DIP2A: variants seen among roughly 807,000 people sequenced by gnomAD.
DIP2A encodes the protein disco-interacting protein 2 homolog A.
In DIP2A, 85 loss-of-function variants were observed where a neutral mutation model predicts 177.4. That is an observed-to-expected ratio of 0.48 (90% CI 0.40 to 0.57). The LOEUF (loss-of-function observed/expected upper bound fraction) is 0.57, where lower values mean the gene tolerates loss of function less well. Ranked by LOEUF, DIP2A falls within the 20% of genes least tolerant of loss-of-function variation. The probability of loss-of-function intolerance (pLI) is 0.00; values close to 1 mark genes in which losing one functional copy is unlikely to be tolerated. For synonymous variants in DIP2A, 886 were observed against 881.8 expected (o/e 1.00, Z -0.08); for missense variants, 1,791 against 2,100.2 (o/e 0.85, Z 2.88).
At position 46,459,166 on chromosome 21, in the gene DIP2A, C is replaced by CGCT; in HGVS notation, c.38_40dup (p.Leu13dup). 6.6e-7 allele frequency: 1 copy of CGCT among 1,520,522 alleles called. No homozygotes were observed. The highest frequency in any genetic ancestry group is 8.8e-7 in the Non-Finnish European group (1 of 1,134,964). 94.2% of individuals were successfully genotyped at this position (1,520,522 alleles called of 1,614,324 possible). ...CGCGGGTGCCCGCTGGAGGCGGCGC[C>CGCT]GCTGCCTGCCGAGGTGCGGGAGAGC... On this transcript the variant is annotated inframe_insertion, in exon 1 of 38. Transcript: ENST00000417564.
chr21:46,529,145 A>T lies in DIP2A; in HGVS notation c.1156A>T (p.Thr386Ser), dbSNP rs1379641221. Residue 386 changes from threonine (T) to serine (S), a missense_variant, in exon 9 of 38, where the codon ACA becomes TCA. Coordinates refer to ENST00000417564, the MANE Select transcript of DIP2A (RefSeq NM_015151.4). The part of the protein sequence containing the change: ...KLAYTLLNKL[T>S]SKNEPLLKPG... ...AGCTTATACTCTACTTAATAAACTG[A>T]CAAGTAAGAATGAACCTCTACTTAA... is the stretch of plus-strand genomic sequence containing the variant. The T allele has an allele frequency of 5.2e-6, 8 of 1,535,664 alleles. No individual in the cohort carries two copies. The highest frequency in any genetic ancestry group is 7.0e-6 in the Non-Finnish European group (8 of 1,140,718).
At chr21:46,483,890 C>T (rs1479312062) in intron 1 of DIP2A, among the ~76,000 whole-genome samples, 2 of 152,200 alleles carry the variant, frequency 1.3e-5, no homozygotes, top group East Asian at 1.9e-4. Flanking sequence ...TAAATAAAGT[C>T]TTCACATCAC....
In DIP2A at chr21:46,534,677, G is replaced by A. The variant is rs201196773; in HGVS notation, c.1632G>A (p.Gly544=). 5 of 1,608,920 alleles carry A rather than the reference G, an allele frequency of 3.1e-6. No homozygotes were observed. The highest frequency in any genetic ancestry group is 4.2e-6 in the Non-Finnish European group (5 of 1,179,706). ...AQCRALTQAC[G]YSEAETLTNV... The stretch of plus-strand genomic sequence containing the variant: ...GCCGGGCTCTGACCCAGGCGTGCGG[G>A]TACTCAGAAGGTAAGGGCTCTCGGG... Residue 544 remains glycine, a synonymous_variant, in exon 13 of 38, where the codon GGG becomes GGA. Transcript: ENST00000417564.
Position 46,557,654 on chromosome 21 carries a change from G to A in DIP2A, c.3699G>A (p.Leu1233=), listed in dbSNP as rs1439215712. Reference sequence around the variant, plus strand: ...TGGAGAGCAACGTGTCCCTGTGGCTGTCGGCCGTCAGCCAGTACAAGGCCC... The same window carrying A: ...TGGAGAGCAACGTGTCCCTGTGGCTATCGGCCGTCAGCCAGTACAAGGCCC... ...LELESNVSLW[L]SAVSQYKARV... The change falls in exon 31 of 38, where the codon CTG becomes CTA. Residue 1233 remains leucine, a synonymous_variant. Transcript: ENST00000417564. The surrounding 1 kb of genome is among the most constrained non-coding windows in gnomAD (Gnocchi z 6.0). The A allele has an allele frequency of 1.2e-6, 2 of 1,612,380 alleles. No individual in the cohort carries two copies. The highest frequency in any genetic ancestry group is 2.7e-5 in the African/African-American group (2 of 74,920).
rs78865491 is a variant in DIP2A, at chr21:46,515,849, T to C, written c.1102+4235T>C. 6.6e-3 allele frequency among the ~76,000 whole-genome samples: 999 copies of C among 152,316 alleles called. 12 individuals carry two copies. Among genetic ancestry groups the C allele is most frequent in the African/African-American group, 0.023 (948 of 41,562 alleles). The stretch of plus-strand genomic sequence containing the variant: ...CCATGCCCGGCCCATTGTTTTTTGT[T>C]TGTTTGTTGTTTTAATCAACCATAC... On this transcript the variant is annotated intron_variant, in intron 8 of 37. Coordinates refer to ENST00000417564, the MANE Select transcript of DIP2A (RefSeq NM_015151.4).
chr21:46,563,546 G>C lies in DIP2A; in HGVS notation c.4090-312G>C, dbSNP rs2148916129. 2.9e-6 allele frequency: 1 copy of C among 343,030 alleles called. No homozygotes were observed. Among genetic ancestry groups the C allele is most frequent in the African/African-American group, 2.1e-5 (1 of 47,912 alleles). The allele number at this position is 343,030 out of a possible 1,614,324, so 21.2% of individuals were successfully genotyped here. ...CAGCAGGGTCACTGCACCCCTGGATGGATGCCCATCAGGTGCGCTGGCATC... is the reference window on the plus strand; with the variant it reads ...CAGCAGGGTCACTGCACCCCTGGATCGATGCCCATCAGGTGCGCTGGCATC... On this transcript the variant is annotated intron_variant, in intron 34 of 37. Transcript: ENST00000417564. This position sits in a 1 kb window ranked among gnomAD's most constrained non-coding sequence, Gnocchi z 4.3.
intron 7 of DIP2A, 47 bp downstream of exon 7, chr21:46,509,423 G>A: frequency 1.3e-6 from 2 of 1,567,280 alleles, no homozygotes; most frequent in East Asian, 4.5e-5. Flanking sequence ...TGAAAAGGGT[G>A]GCCACGAAGT....
At position 46,554,023 on chromosome 21, in the gene DIP2A, C is replaced by T. The variant is rs145885495; in HGVS notation, c.3031-146C>T. ...TACCAAAAAAAAGACACCAGCCGTACGTCTAGGACTGACACATTGTCATTA... is the reference window on the plus strand; with the variant it reads ...TACCAAAAAAAAGACACCAGCCGTATGTCTAGGACTGACACATTGTCATTA... On this transcript the variant is annotated intron_variant, in intron 25 of 37. Transcript: ENST00000417564. 2.1e-4 allele frequency: 231 copies of T among 1,111,398 alleles called. 1 individual carries two copies. The Middle Eastern group carries it at 2.5e-3, about 12-fold the overall frequency. 68.8% of individuals were successfully genotyped at this position (1,111,398 alleles called of 1,614,324 possible).
rs530871744 is a variant in DIP2A, at chr21:46,464,035, C to T, written c.91+4813C>T. Reference sequence around the variant, plus strand: ...TAATTCTTAATTTTCAAAATGACAGCCTGTCATTGCCTTTGTGTTAATAAA... The same window carrying T: ...TAATTCTTAATTTTCAAAATGACAGTCTGTCATTGCCTTTGTGTTAATAAA... On this transcript the variant is annotated intron_variant, in intron 1 of 37. Transcript: ENST00000417564. 5.3e-5 allele frequency among the ~76,000 whole-genome samples: 8 copies of T among 151,792 alleles called. No homozygotes were observed. The South Asian group carries it at 1.5e-3, about 28-fold the overall frequency.
At chr21:46,473,209 G>A (rs2055547474) in intron 1 of DIP2A, among the ~76,000 whole-genome samples, 1 of 152,092 alleles carries the variant, frequency 6.6e-6, no homozygotes, top group South Asian at 2.1e-4. Flanking sequence ...AGTGAATCTT[G>A]TAAACAGATG....
chr21:46,546,897 GCACACCCTTTCCCTCA>G lies in DIP2A; in HGVS notation c.2395-17_2395-2del. ...CTGCCCGTGTGGGTGGAGTCTTGAC[GCACACCCTTTCCCTCA>G]GGACAACCTGGTCTTCATCGTGGGC... is the stretch of plus-strand genomic sequence containing the variant. On this transcript the variant is annotated splice_acceptor_variant and splice_polypyrimidine_tract_variant and intron_variant, in intron 20 of 37. Transcript: ENST00000417564. LOFTEE classifies it high-confidence loss of function. 6.2e-7 allele frequency: 1 copy of G among 1,612,620 alleles called. No homozygotes were observed. Among genetic ancestry groups the G allele is most frequent in the Non-Finnish European group, 8.5e-7 (1 of 1,179,132 alleles).
rs1261658922 is a variant in DIP2A, at chr21:46,551,862, C to T, written c.2988C>T (p.His996=). 5.6e-6 allele frequency: 9 copies of T among 1,611,504 alleles called. No homozygotes were observed. The highest frequency in any genetic ancestry group is 1.3e-5 in the African/African-American group (1 of 74,906). ...FLADVLQWRA[H]TTPDHPLFLL... is the part of the protein sequence containing the mutation. The stretch of plus-strand genomic sequence containing the variant: ...CTGACGTGCTGCAGTGGCGTGCCCA[C>T]ACCACTCCTGACCACCCGCTGTTCT... The change falls in exon 25 of 38, where the codon CAC becomes CAT. Residue 996 remains histidine (H), a synonymous_variant. Coordinates refer to ENST00000417564, the MANE Select transcript of DIP2A (RefSeq NM_015151.4).
Position 46,537,567 on chromosome 21 carries a change from A to G in DIP2A, c.1801+28A>G. On this transcript the variant is annotated intron_variant, in intron 15 of 37. Transcript: ENST00000417564. This position sits in a 1 kb window ranked among gnomAD's most constrained non-coding sequence, Gnocchi z 4.1. ...AACGGATACCATGGTCAGGGCCTTCACCCTTCTTTAGGGAAATCTCTTTGA... is the reference window on the plus strand; with the variant it reads ...AACGGATACCATGGTCAGGGCCTTCGCCCTTCTTTAGGGAAATCTCTTTGA... 1 of 1,603,560 alleles carries G rather than the reference A, an allele frequency of 6.2e-7. No individual in the cohort carries two copies. The highest frequency in any genetic ancestry group is 1.3e-5 in the African/African-American group (1 of 74,666).
At chr21:46,514,735 G>A (rs1256478987) in intron 8 of DIP2A, among the ~76,000 whole-genome samples, 20 of 143,408 alleles carry the variant, frequency 1.4e-4, no homozygotes, top group Non-Finnish European at 2.4e-4. Context: ...TTCCATCTGA[G>A]GAAAAGCCTG....
intron 18 of DIP2A, among the ~76,000 whole-genome samples, chr21:46,543,489 C>G (rs182540514): frequency 1.1e-4 from 16 of 151,246 alleles, no homozygotes; most frequent in Admixed American, 2.6e-4. Flanking sequence ...CACCCCCCTC[C>G]CCCAGGTGTG....
Position 46,514,629 on chromosome 21 carries a change from T to TG in DIP2A, c.1102+3015_1102+3016insG, listed in dbSNP as rs1490478535. On this transcript the variant is annotated intron_variant, in intron 8 of 37. Coordinates refer to ENST00000417564, the MANE Select transcript of DIP2A (RefSeq NM_015151.4). ...TTAAACTTTTATTCTTTTTTTTTTT[T>TG]TTTTTTTTTTTGGTTTTTTTTTTTT... 7.6e-4 allele frequency among the ~76,000 whole-genome samples: 106 copies of TG among 140,150 alleles called. 3 individuals carry two copies. The highest frequency in any genetic ancestry group is 1.0e-3 in the Non-Finnish European group (68 of 64,778). The allele number at this position is 140,150 out of a possible 152,430, so 91.9% of individuals were successfully genotyped here.
chr21:46,476,641 A>G (rs1357522332), intron 1 of DIP2A, among the ~76,000 whole-genome samples: 4 of 149,752 alleles, frequency 2.7e-5, no homozygotes, highest in Non-Finnish European at 4.4e-5. Context: ...TTCTAGTCAT[A>G]GCATCACTCT....
At chr21:46,566,005 G>GT (rs766409077) in intron 36 of DIP2A, 118 bp downstream of exon 36, 62 of 1,194,154 alleles carry the variant, frequency 5.2e-5, no homozygotes, top group Admixed American at 6.8e-5. Context: ...ATTGCTCCTT[G>GT]TGGGGGGAAG....
chr21:46,557,095 C>T lies in DIP2A; in HGVS notation c.3629+26C>T, dbSNP rs757642130. On this transcript the variant is annotated intron_variant, in intron 30 of 37. Coordinates refer to ENST00000417564, the MANE Select transcript of DIP2A (RefSeq NM_015151.4). The surrounding 1 kb of genome is among the most constrained non-coding windows in gnomAD (Gnocchi z 6.0). ...GTGAGTGCAGGGCCCCTGCTGCCTG[C>T]CAGGTGGGAGCAGCTCGTGTGGCTC... 6.3e-7 allele frequency: 1 copy of T among 1,579,322 alleles called. No individual in the cohort carries two copies. Among genetic ancestry groups the T allele is most frequent in the Non-Finnish European group, 8.6e-7 (1 of 1,159,180 alleles).
Sources: gnomAD v4.1 joint callset for allele counts (sites outside exome capture counted in the v4.1 genomes callset) on GRCh38, gnomAD v4.1.1 for gene constraint, Gnocchi (gnomAD v3.1) non-coding constraint, MANE v1.5 for transcripts, NCBI Gene and HGNC (gene_info 2026-07-23, HGNC 2026-07-21) for gene names.